LRRC7: variants seen among roughly 807,000 people sequenced by gnomAD.
LRRC7 encodes the protein leucine rich repeat containing 7, also known as leucine-rich repeat-containing protein 7.
A neutral mutation model predicts 175.7 loss-of-function variants in LRRC7; 23 were observed. The ratio of observed to expected loss-of-function variants is 0.13; its 90% confidence interval spans 0.09 to 0.19. The LOEUF is 0.19. LRRC7 is among the 10% of genes least tolerant of loss of function. The pLI is 1.00. For synonymous variants in LRRC7, 685 were observed against 680.9 expected, an observed-to-expected ratio of 1.01 and a Z score of -0.09; for missense variants, 1,354 against 1,904.7, an observed-to-expected ratio of 0.71 and a Z score of 5.38.
intron 23 of LRRC7, among the ~76,000 whole-genome samples, chr1:70,070,191 C>T (rs975684441): frequency 2.0e-5 from 3 of 152,028 alleles, no homozygotes; most frequent in South Asian, 2.1e-4. Flanking sequence ...GACAGCGTTT[C>T]GCCGTGTTGC....
rs114256968 is a variant in LRRC7, at chr1:70,124,595, A to G, written c.*2708A>G. Among the ~76,000 whole-genome samples the G allele has an allele frequency of 0.011, 1,650 of 152,230 alleles. 29 individuals are homozygous for G. Among genetic ancestry groups the G allele is most frequent in the African/African-American group, 0.037 (1,533 of 41,534 alleles). Reference sequence around the variant, plus strand: ...TTTTTTAGGTTGACTGAATAGAATCACTAAACACTTGAGGGGTATAAACCT... The same window carrying G: ...TTTTTTAGGTTGACTGAATAGAATCGCTAAACACTTGAGGGGTATAAACCT... On this transcript the variant is annotated 3_prime_UTR_variant, in exon 27 of 27. Coordinates refer to ENST00000651989, the MANE Select transcript of LRRC7 (RefSeq NM_001370785.2).
chr1:69,649,241 T>C (rs723994), intron 1 of LRRC7, among the ~76,000 whole-genome samples: 25,843 of 152,204 alleles, frequency 0.17, 2,446 homozygotes, highest in East Asian at 0.34. Flanking sequence ...GAAATTATAA[T>C]AGTAACTTAT....
At chr1:69,933,063 G>A (rs1231007153) in intron 8 of LRRC7, among the ~76,000 whole-genome samples, 1 of 152,168 alleles carries the variant, frequency 6.6e-6, no homozygotes, top group African/African-American at 2.4e-5. Flanking sequence ...CACAGGATGA[G>A]CAGTCCATCC....
chr1:70,118,856 C>T (rs751886177), intron 26 of LRRC7, among the ~76,000 whole-genome samples: 38 of 152,032 alleles, frequency 2.5e-4, no homozygotes, highest in Non-Finnish European at 4.1e-4. Context: ...CCACCTCTCT[C>T]CCTTTCTTTG....
intron 1 of LRRC7, among the ~76,000 whole-genome samples, chr1:69,610,140 G>A (rs531667952): frequency 6.6e-6 from 1 of 152,050 alleles, no homozygotes; most frequent in East Asian, 1.9e-4. Flanking sequence ...ATGGGTTCTT[G>A]TCTCTTTCTT....
At chr1:69,802,683 T>C (rs1192166954) in intron 4 of LRRC7, among the ~76,000 whole-genome samples, 1 of 151,388 alleles carries the variant, frequency 6.6e-6, no homozygotes, top group Admixed American at 6.6e-5. Flanking sequence ...TACTAATCTA[T>C]GTCTTTTAAA....
chr1:69,975,940 C>T (rs867176624), intron 8 of LRRC7, among the ~76,000 whole-genome samples: 2 of 151,752 alleles, frequency 1.3e-5, no homozygotes, highest in African/African-American at 2.4e-5. Context: ...TGTTCCTCTT[C>T]GCCAGTGTCT....
At position 69,632,123 on chromosome 1, in the gene LRRC7, T is replaced by A. The variant is rs565610276; in HGVS notation, c.3-46258T>A. Among the ~76,000 whole-genome samples, 18 of 152,302 alleles carry A rather than the reference T, an allele frequency of 1.2e-4. No individual in the cohort carries two copies. In the South Asian group the frequency reaches 3.7e-3, roughly 32 times the overall value. On this transcript the variant is annotated intron_variant, in intron 1 of 26. Transcript: ENST00000651989. ...GTCTTCTCTATAACCTTAGTGACTT[T>A]GTGCAAGCTGTTCCCTCTGGCTAGG...
chr1:69,934,497 G>C (rs1388299293), intron 8 of LRRC7, among the ~76,000 whole-genome samples: 20 of 100,920 alleles, frequency 2.0e-4, no homozygotes, highest in Admixed American at 1.5e-3. Context: ...ATTTTGGCGG[G>C]GGGGGGGCGG....
At chr1:69,591,961 T>C (rs1646654302) in intron 1 of LRRC7, among the ~76,000 whole-genome samples, 1 of 152,092 alleles carries the variant, frequency 6.6e-6, no homozygotes, top group Non-Finnish European at 1.5e-5. Flanking sequence ...TTCAAAAATA[T>C]ATTAATCTAA....
chr1:69,617,547 TAAAAAAAAAAAAAA>T (rs11473590), intron 1 of LRRC7, among the ~76,000 whole-genome samples: 1 of 62,008 alleles, frequency 1.6e-5, no homozygotes, highest in Non-Finnish European at 3.0e-5. Flanking sequence ...ATACTCACAG[TAAAAAAAAAAAAAA>T]AAAAAAAAAA....
intron 10 of LRRC7, among the ~76,000 whole-genome samples, chr1:69,990,266 T>G (rs1432710439): frequency 1.3e-5 from 2 of 152,034 alleles, no homozygotes; most frequent in Non-Finnish European, 1.5e-5. Context: ...GAAAGAAATC[T>G]CTTCAGTATT....
chr1:69,948,463 C>T (rs780092051), intron 8 of LRRC7, among the ~76,000 whole-genome samples: 2 of 152,122 alleles, frequency 1.3e-5, no homozygotes, highest in Non-Finnish European at 2.9e-5. Context: ...ATTCTATTTC[C>T]TCCAGTGGAT....
chr1:69,653,269 A>G (rs1000187340), intron 1 of LRRC7, among the ~76,000 whole-genome samples: 5 of 109,004 alleles, frequency 4.6e-5, no homozygotes, highest in African/African-American at 1.9e-4. Context: ...AAAAGTGGGC[A>G]AATAATTTAA....
chr1:69,860,883 A>G (rs1684289389), intron 7 of LRRC7, among the ~76,000 whole-genome samples: 1 of 152,106 alleles, frequency 6.6e-6, no homozygotes, highest in African/African-American at 2.4e-5. Flanking sequence ...TCATTAATGA[A>G]GTTAAATATT....
chr1:69,851,636 CAT>C (rs1346409248), intron 7 of LRRC7, among the ~76,000 whole-genome samples: 1 of 152,002 alleles, frequency 6.6e-6, no homozygotes, highest in African/African-American at 2.4e-5. Flanking sequence ...CATGGAGAGT[CAT>C]AACCTGAGCA....
intron 3 of LRRC7, among the ~76,000 whole-genome samples, chr1:69,764,730 C>CAGACAGATAGATAGATAGATAGAT (rs1377304958): frequency 1.3e-4 from 18 of 140,298 alleles, no homozygotes; most frequent in East Asian, 6.5e-4. Context: ...GATAGATAGA[C>CAGACAGATAGATAGATAGATAGAT]AGATAGATAG....
Position 69,986,182 on chromosome 1 carries a change from A to G in LRRC7, c.787-60A>G, listed in dbSNP as rs893963553. On this transcript the variant is annotated intron_variant, in intron 9 of 26. Coordinates refer to ENST00000651989, the MANE Select transcript of LRRC7 (RefSeq NM_001370785.2). ...ACTTTACAGTGTAGTGGTTCTTACA[A>G]CTTTAAAATGTCTTGTGAAAGTCTC... 8 of 1,521,148 alleles carry G rather than the reference A, an allele frequency of 5.3e-6. No individual in the cohort carries two copies. The Admixed American group carries it at 1.3e-4, about 25-fold the overall frequency. 94.2% of individuals were successfully genotyped at this position (1,521,148 alleles called of 1,614,324 possible).
Position 70,140,455 on chromosome 1 carries a change from G to C in LRRC7, c.*18568G>C, listed in dbSNP as rs1667021690. The C allele has an allele frequency of 6.6e-6, 1 of 152,064 alleles. No individual in the cohort carries two copies. Among genetic ancestry groups the C allele is most frequent in the Admixed American group, 6.6e-5 (1 of 15,244 alleles). 9.4% of individuals were successfully genotyped at this position (152,064 alleles called of 1,614,324 possible). Reference sequence around the variant, plus strand: ...TCCTCAATGCTTAAATTGCCATGTAGAAATCAACTCCCTATCAATTTTCTA... The same window carrying C: ...TCCTCAATGCTTAAATTGCCATGTACAAATCAACTCCCTATCAATTTTCTA... On this transcript the variant is annotated 3_prime_UTR_variant, in exon 27 of 27. Coordinates refer to ENST00000651989, the MANE Select transcript of LRRC7 (RefSeq NM_001370785.2).
Sources: allele counts gnomAD v4.1 joint callset (sites outside exome capture counted in the v4.1 genomes callset), GRCh38; gene constraint gnomAD v4.1.1; transcripts MANE v1.5; gene names NCBI Gene and HGNC (gene_info 2026-07-23, HGNC 2026-07-21).